Variants in CASS4 observed in about 807,000 individuals in gnomAD.
CASS4 encodes Cas scaffold protein family member 4.
CASS4 carries 22 observed loss-of-function variants against 54.2 expected under a neutral mutation model. The observed-to-expected ratio is 0.41, with a 90% CI of 0.29 to 0.58. The LOEUF is 0.58. Ranked by LOEUF, CASS4 falls within the 20% of genes least tolerant of loss-of-function variation. The pLI, the probability that CASS4 is intolerant of heterozygous loss-of-function variation, is 0.36. For synonymous variants in CASS4, 409 were observed against 391.5 expected (o/e 1.04, Z -0.53); for missense variants, 854 against 986.7 (o/e 0.87, Z 1.80).
Position 56,452,766 on chromosome 20 carries a change from G to T in CASS4, c.1590G>T (p.Leu530=). 1 of 1,614,048 alleles carries T rather than the reference G, an allele frequency of 6.2e-7. No individual in the cohort carries two copies. Among genetic ancestry groups the T allele is most frequent in the Non-Finnish European group, 8.5e-7 (1 of 1,180,026 alleles). Residue 530 remains leucine (L), a synonymous_variant, in exon 5 of 6, where the codon CTG becomes CTT. Transcript: ENST00000679887. The part of the protein sequence containing the change: ...MQTISNSYRI[L]LETKESLDNR... ...CCATCTCCAACTCCTACCGCATCCTGCTTGAAACAAAGGAAAGCTTGGATA... is the reference window on the plus strand; with the variant it reads ...CCATCTCCAACTCCTACCGCATCCTTCTTGAAACAAAGGAAAGCTTGGATA...
intron 1 of CASS4, among the ~76,000 whole-genome samples, chr20:56,432,956 C>T (rs76484485): frequency 0.022 from 3,312 of 152,290 alleles, 50 homozygotes; most frequent in African/African-American, 0.027. Flanking sequence ...AGCGCTCATC[C>T]TGGTGTTTGT....
At chr20:56,426,854 C>T (rs905710094) in intron 1 of CASS4, among the ~76,000 whole-genome samples, 2 of 152,186 alleles carry the variant, frequency 1.3e-5, no homozygotes, top group African/African-American at 4.8e-5. Context: ...GCTGGGATTA[C>T]AGGCATGAGC....
At position 56,437,955 on chromosome 20, in the gene CASS4, T is replaced by C. The variant is rs981449571; in HGVS notation, c.459+369T>C. Among the ~76,000 whole-genome samples the C allele has an allele frequency of 6.6e-6, 1 of 152,132 alleles. No homozygotes were observed. The highest frequency in any genetic ancestry group is 2.4e-5 in the African/African-American group (1 of 41,416). On this transcript the variant is annotated intron_variant, in intron 2 of 5. Transcript: ENST00000679887. This position sits in a 1 kb window ranked among gnomAD's most constrained non-coding sequence, Gnocchi z 4.7. ...GACAAATGGGAGGGTGGGGTTTCCA[T>C]GGGTTCAGAGGCAAGAAGTTACACA...
rs56030851 is a variant in CASS4, at chr20:56,458,267, A to G, written c.1954-73A>G. 3.1e-5 allele frequency: 45 copies of G among 1,464,844 alleles called. No individual in the cohort carries two copies. In the African/African-American group the frequency reaches 6.1e-4, roughly 20 times the overall value. 90.7% of individuals were successfully genotyped at this position (1,464,844 alleles called of 1,614,324 possible). Reference sequence around the variant, plus strand: ...AATAAAAAGTCTTGCAAATCTAGCCAAAACAGGAAAGGGCAGACAGCCACA... The same window carrying G: ...AATAAAAAGTCTTGCAAATCTAGCCGAAACAGGAAAGGGCAGACAGCCACA... On this transcript the variant is annotated intron_variant, in intron 5 of 5. Coordinates refer to ENST00000679887, the MANE Select transcript of CASS4 (RefSeq NM_020356.4).
At chr20:56,451,465 G>A (rs1163960618) in intron 4 of CASS4, among the ~76,000 whole-genome samples, 1 of 151,202 alleles carries the variant, frequency 6.6e-6, no homozygotes, top group Non-Finnish European at 1.5e-5. Flanking sequence ...CGCCGTGTCA[G>A]GGGGATGCAT....
chr20:56,433,321 C>T (rs991209046), intron 1 of CASS4, among the ~76,000 whole-genome samples: 2 of 152,156 alleles, frequency 1.3e-5, no homozygotes, highest in African/African-American at 4.8e-5. Context: ...CTGCTGACTG[C>T]TTTGGGGTAG....
At chr20:56,435,819 C>T (rs1169665124) in intron 1 of CASS4, among the ~76,000 whole-genome samples, 1 of 152,102 alleles carries the variant, frequency 6.6e-6, no homozygotes, top group South Asian at 2.1e-4. Flanking sequence ...GGCATGATCT[C>T]GGCTCATTGC....
chr20:56,445,948 C>G lies in CASS4; in HGVS notation c.508C>G (p.Pro170Ala). 1 of 1,614,046 alleles carries G rather than the reference C, an allele frequency of 6.2e-7. No individual in the cohort carries two copies. The highest frequency in any genetic ancestry group is 8.5e-7 in the Non-Finnish European group (1 of 1,180,028). ...TGTCCGGGCCTCACTGCCGACTCTG[C>G]CTTCCCAGGTGTATGACGTGCCTAC... is the stretch of plus-strand genomic sequence containing the variant. Reference protein sequence around the residue: ...RPVRASLPTLPSQVYDVPTQH... With the variant: ...RPVRASLPTLASQVYDVPTQH... Residue 170 changes from proline (P) to alanine (A), a missense_variant, in exon 3 of 6, where the codon CCT becomes GCT. Pro to Ala is a conservative substitution (Grantham distance 27, BLOSUM62 -1). Transcript: ENST00000679887.
rs1600783494 is a variant in CASS4, at chr20:56,459,885, T to C, written c.*1138T>C. 6.6e-6 allele frequency: 1 copy of C among 152,184 alleles called. No individual in the cohort carries two copies. The highest frequency in any genetic ancestry group is 1.9e-4 in the East Asian group (1 of 5,198). 9.4% of individuals were successfully genotyped at this position (152,184 alleles called of 1,614,324 possible). A position where few individuals can be genotyped will look rare whatever the true frequency, so the allele number is the denominator to read the frequency against. Reference sequence around the variant, plus strand: ...AGAGGGCTTGCCCTCTTGGAACTTATGATCTAGTAGGGGAGTCAGGCAGTA... The same window carrying C: ...AGAGGGCTTGCCCTCTTGGAACTTACGATCTAGTAGGGGAGTCAGGCAGTA... On this transcript the variant is annotated 3_prime_UTR_variant, in exon 6 of 6. Coordinates refer to ENST00000679887, the MANE Select transcript of CASS4 (RefSeq NM_020356.4).
At chr20:56,431,849 A>G (rs1460186872) in intron 1 of CASS4, among the ~76,000 whole-genome samples, 3 of 152,208 alleles carry the variant, frequency 2.0e-5, no homozygotes, top group Admixed American at 2.0e-4. Context: ...AATGTATTTC[A>G]TGGGAATTAC....
intron 2 of CASS4, among the ~76,000 whole-genome samples, chr20:56,440,367 A>G (rs1355091742): frequency 6.6e-6 from 1 of 152,218 alleles, no homozygotes; most frequent in Admixed American, 6.5e-5. Context: ...CAAAGCCATG[A>G]AAAGAAAAAA....
intron 1 of CASS4, among the ~76,000 whole-genome samples, chr20:56,436,539 A>G (rs2146280431): frequency 1.3e-5 from 2 of 152,164 alleles, no homozygotes; most frequent in African/African-American, 4.8e-5. Flanking sequence ...ACAGATGAGG[A>G]AACTGAGGCT....
chr20:56,448,985 A>T (rs1004385908), intron 3 of CASS4, among the ~76,000 whole-genome samples: 14 of 152,180 alleles, frequency 9.2e-5, no homozygotes, highest in Admixed American at 4.6e-4. Context: ...ATGTGGAGAA[A>T]TAGGAACACT....
intron 3 of CASS4, among the ~76,000 whole-genome samples, chr20:56,446,542 GT>G (rs895546096): frequency 6.6e-6 from 1 of 150,856 alleles, no homozygotes; most frequent in Non-Finnish European, 1.5e-5. Context: ...AATTTTAGTT[GT>G]TTTTTTTTAA....
chr20:56,426,471 C>A (rs569696680), intron 1 of CASS4, among the ~76,000 whole-genome samples: 1 of 152,130 alleles, frequency 6.6e-6, no homozygotes, highest in Non-Finnish European at 1.5e-5. Context: ...CCTTTCAGGG[C>A]GAACAGAATG....
intron 1 of CASS4, among the ~76,000 whole-genome samples, chr20:56,429,443 G>T (rs1249215566): frequency 6.6e-6 from 1 of 152,106 alleles, no homozygotes; most frequent in East Asian, 1.9e-4. Context: ...AATTGACTTT[G>T]AATCGCCTCT....
At chr20:56,417,149 A>C (rs978013870) in intron 1 of CASS4, among the ~76,000 whole-genome samples, 3 of 152,220 alleles carry the variant, frequency 2.0e-5, no homozygotes, top group Non-Finnish European at 2.9e-5. Context: ...CTGGGCAAGA[A>C]AGCCTGGTGA....
intron 2 of CASS4, among the ~76,000 whole-genome samples, chr20:56,441,460 C>T (rs1264024225): frequency 2.6e-5 from 4 of 151,844 alleles, no homozygotes; most frequent in Admixed American, 2.6e-4. Flanking sequence ...CAAAAATTAG[C>T]CATGTGTGGT....
At chr20:56,424,479 G>A (rs185520173) in intron 1 of CASS4, among the ~76,000 whole-genome samples, 4 of 152,110 alleles carry the variant, frequency 2.6e-5, no homozygotes, top group African/African-American at 7.2e-5. Flanking sequence ...GGTGGCTCAC[G>A]CCTGTAATCC....
Sources: allele counts gnomAD v4.1 joint callset (sites outside exome capture counted in the v4.1 genomes callset), GRCh38; gene constraint gnomAD v4.1.1; non-coding constraint Gnocchi (gnomAD v3.1); transcripts MANE v1.5; gene names NCBI Gene and HGNC (gene_info 2026-07-23, HGNC 2026-07-21).